Variants in RPS6KC1 observed in about 807,000 individuals in gnomAD.
RPS6KC1 encodes the protein ribosomal protein S6 kinase C1, also known as inactive ribosomal protein S6 kinase delta-1.
RPS6KC1 carries 54 observed loss-of-function variants against 103.8 expected under a neutral mutation model. The observed-to-expected ratio is 0.52, with a 90% CI of 0.42 to 0.65. RPS6KC1 has a LOEUF of 0.65. Among genes scored for constraint, RPS6KC1 ranks in the 30% least tolerant of loss-of-function variants. The probability of loss-of-function intolerance (pLI) is 0.00; values close to 1 mark genes in which losing one functional copy is unlikely to be tolerated. For synonymous variants in RPS6KC1, 439 were observed against 438.7 expected (o/e 1.00, Z -0.01); for missense variants, 1,151 against 1,253.8 (o/e 0.92, Z 1.24).
At chr1:213,480,210 T>A in the RPS6KC1 span, among the ~76,000 whole-genome samples, 4 of 152,164 alleles carry the variant, frequency 2.6e-5, no homozygotes, top group Admixed American at 2.6e-4. Flanking sequence ...CATTTTCTGA[T>A]ATTTAGTTTT....
the RPS6KC1 span, among the ~76,000 whole-genome samples, chr1:213,723,112 A>G: frequency 6.6e-6 from 1 of 152,166 alleles, no homozygotes; most frequent in African/African-American, 2.4e-5. Flanking sequence ...CCTGGGAGGC[A>G]GAGATTGCAG....
At chr1:213,687,428 GTCC>G in the RPS6KC1 span, among the ~76,000 whole-genome samples, 99 of 135,120 alleles carry the variant, frequency 7.3e-4, no homozygotes, top group Non-Finnish European at 1.1e-3. Flanking sequence ...ATTCCATGAT[GTCC>G]ACACCTACTT....
chr1:213,682,611 G>C, the RPS6KC1 span, among the ~76,000 whole-genome samples: 1 of 152,172 alleles, frequency 6.6e-6, no homozygotes, highest in African/African-American at 2.4e-5. Flanking sequence ...CTGTAGATCT[G>C]AGATCTTCAT....
the RPS6KC1 span, among the ~76,000 whole-genome samples, chr1:213,544,582 C>T: frequency 6.6e-6 from 1 of 152,130 alleles, no homozygotes; most frequent in African/African-American, 2.4e-5. Context: ...TATCTCCCTG[C>T]CATGGAGCTA....
the RPS6KC1 span, among the ~76,000 whole-genome samples, chr1:213,636,363 T>A: frequency 6.6e-6 from 1 of 151,964 alleles, no homozygotes; most frequent in South Asian, 2.1e-4. Flanking sequence ...GACTTCAAAC[T>A]ATACTACAAG....
At chr1:213,558,604 C>G in the RPS6KC1 span, among the ~76,000 whole-genome samples, 13 of 152,224 alleles carry the variant, frequency 8.5e-5, no homozygotes, top group African/African-American at 3.1e-4. Flanking sequence ...TGGCCAATGA[C>G]AGCAATGGAA....
intron 10 of RPS6KC1, among the ~76,000 whole-genome samples, chr1:213,239,901 G>T (rs2094311938): frequency 6.6e-6 from 1 of 152,102 alleles, no homozygotes; most frequent in Non-Finnish European, 1.5e-5. Flanking sequence ...AGGGATTGAG[G>T]TGTTTTAATG....
At chr1:213,497,848 A>G in the RPS6KC1 span, among the ~76,000 whole-genome samples, 1 of 152,098 alleles carries the variant, frequency 6.6e-6, no homozygotes, top group Admixed American at 6.5e-5. Context: ...ACATTAATGT[A>G]GGAATCAGGA....
At chr1:213,097,156 C>T (rs1042775604) in intron 3 of RPS6KC1, among the ~76,000 whole-genome samples, 1 of 152,148 alleles carries the variant, frequency 6.6e-6, no homozygotes, top group Non-Finnish European at 1.5e-5. Flanking sequence ...GAGTTCAAGA[C>T]CAGCCTGGCC....
At chr1:213,686,645 G>C in the RPS6KC1 span, among the ~76,000 whole-genome samples, 4 of 152,130 alleles carry the variant, frequency 2.6e-5, no homozygotes, top group Non-Finnish European at 5.9e-5. Flanking sequence ...CTCCCTAAGG[G>C]AGGTTCCATC....
the RPS6KC1 span, among the ~76,000 whole-genome samples, chr1:213,503,240 C>T: frequency 5.9e-5 from 9 of 152,144 alleles, no homozygotes; most frequent in African/African-American, 9.7e-5. Flanking sequence ...CAGTGAGCTA[C>T]GTGATTCTTT....
the RPS6KC1 span, among the ~76,000 whole-genome samples, chr1:213,646,882 C>CACAT: frequency 6.8e-6 from 1 of 147,080 alleles, no homozygotes; most frequent in African/African-American, 2.6e-5. Context: ...TGTGTGTATG[C>CACAT]ATATATATAT....
chr1:213,251,580 T>C (rs1489262749), intron 12 of RPS6KC1, among the ~76,000 whole-genome samples: 1 of 152,190 alleles, frequency 6.6e-6, no homozygotes, highest in African/African-American at 2.4e-5. Context: ...TGGCTTCCAC[T>C]CTCACCCTCT....
At chr1:213,825,319 G>A in the RPS6KC1 span, among the ~76,000 whole-genome samples, 1 of 152,194 alleles carries the variant, frequency 6.6e-6, no homozygotes, top group Admixed American at 6.5e-5. Context: ...TGCAAAAGCT[G>A]CTTGTCTAAA....
At chr1:213,657,536 A>T in the RPS6KC1 span, among the ~76,000 whole-genome samples, 1 of 152,216 alleles carries the variant, frequency 6.6e-6, no homozygotes, top group Non-Finnish European at 1.5e-5. Flanking sequence ...CCTAAAAGAA[A>T]CCAAAGAAAC....
the RPS6KC1 span, among the ~76,000 whole-genome samples, chr1:213,456,625 C>A: frequency 9.7e-4 from 148 of 152,244 alleles, no homozygotes; most frequent in African/African-American, 3.4e-3. Context: ...TTAATTTATA[C>A]CCTTTCATGA....
At chr1:213,161,696 T>G (rs2090488394) in intron 6 of RPS6KC1, among the ~76,000 whole-genome samples, 1 of 152,124 alleles carries the variant, frequency 6.6e-6, no homozygotes, top group Non-Finnish European at 1.5e-5. Context: ...TGAAATGGAG[T>G]CTATTCTGAT....
At chr1:213,378,037 C>T in the RPS6KC1 span, among the ~76,000 whole-genome samples, 1 of 152,140 alleles carries the variant, frequency 6.6e-6, no homozygotes, top group Non-Finnish European at 1.5e-5. Flanking sequence ...GACCTATTTC[C>T]CCAGCTCCTG....
chr1:213,608,278 T>C, the RPS6KC1 span, among the ~76,000 whole-genome samples: 1 of 152,162 alleles, frequency 6.6e-6, no homozygotes, highest in Non-Finnish European at 1.5e-5. Context: ...TTGCACCTGA[T>C]GTGCCCAGGT....
Sources: gnomAD v4.1 joint callset for allele counts (sites outside exome capture counted in the v4.1 genomes callset) on GRCh38, gnomAD v4.1.1 for gene constraint, MANE v1.5 for transcripts, NCBI Gene and HGNC (gene_info 2026-07-23, HGNC 2026-07-21) for gene names.